Variants in LRP1 observed in about 807,000 individuals in gnomAD.
The protein encoded by LRP1 is LDL receptor related protein 1.
Under a neutral mutation model 541.5 loss-of-function variants are expected in LRP1, and 51 were observed. That is an observed-to-expected ratio of 0.09 (90% CI 0.08 to 0.12). LRP1 has a LOEUF of 0.12. Ranked by LOEUF, LRP1 falls within the 10% of genes least tolerant of loss-of-function variation. The pLI, the probability that LRP1 is intolerant of heterozygous loss-of-function variation, is 1.00. For synonymous variants in LRP1, 2,219 were observed against 2,470.8 expected, an observed-to-expected ratio of 0.90 and a Z score of 3.02; for missense variants, 3,878 against 6,376.2, an observed-to-expected ratio of 0.61 and a Z score of 13.34.
chr12:57,195,484 G>A, intron 52 of LRP1, 85 bp downstream of exon 52: 1 of 1,582,800 alleles, frequency 6.3e-7, no homozygotes, highest in Non-Finnish European at 8.6e-7. Context: ...GTGCAGGAGA[G>A]GAAATGCCTC....
chr12:57,141,232 T>A, intron 2 of LRP1, 142 bp from the exon 3 acceptor site: 1 of 861,522 alleles, frequency 1.2e-6, no homozygotes, highest in East Asian at 2.7e-5. Flanking sequence ...TGTAAAAGAG[T>A]TCCAGGTGGA....
At position 57,184,890 on chromosome 12, in the gene LRP1, G is replaced by A. The variant is rs34577247; in HGVS notation, c.6238G>A (p.Asp2080Asn). 0.02 allele frequency: 33,009 copies of A among 1,614,158 alleles called. 445 individuals carry two copies. Among genetic ancestry groups the A allele is most frequent in the South Asian group, 0.023 (2,075 of 91,070 alleles). ...ACGGACAGACAAGATTGAACGGATCGACCTGGAGACAGGTGAGAACCGCGA... is the reference window on the plus strand; with the variant it reads ...ACGGACAGACAAGATTGAACGGATCAACCTGGAGACAGGTGAGAACCGCGA... ...DARTDKIERI[D>N]LETGENREVV... Residue 2080 changes from aspartate to asparagine, a missense_variant, in exon 39 of 89, where the codon GAC (aspartate) becomes AAC (asparagine). Physicochemically the swap from Asp to Asn is conservative, Grantham distance 23. Coordinates refer to ENST00000243077, the MANE Select transcript of LRP1 (RefSeq NM_002332.3). This position sits in a 1 kb window ranked among gnomAD's most constrained non-coding sequence, Gnocchi z 7.8.
At chr12:57,188,251 G>A (rs1452569145) in intron 42 of LRP1, among the ~76,000 whole-genome samples, 1 of 152,228 alleles carries the variant, frequency 6.6e-6, no homozygotes, top group African/African-American at 2.4e-5. Context: ...TGGGCCTCTA[G>A]TGAGCCACCC....
intron 19 of LRP1, among the ~76,000 whole-genome samples, chr12:57,167,926 C>T (rs1014260545): frequency 8.5e-5 from 13 of 152,236 alleles, no homozygotes; most frequent in Non-Finnish European, 1.5e-4. Flanking sequence ...CTCAGAAGCC[C>T]ACCTGGCAGA....
At chr12:57,168,931 C>A (rs1279166141) in intron 19 of LRP1, among the ~76,000 whole-genome samples, 1 of 152,192 alleles carries the variant, frequency 6.6e-6, no homozygotes, top group Non-Finnish European at 1.5e-5. Context: ...CCTCCAGGAG[C>A]CTTCTCCTCC....
In LRP1 at chr12:57,128,932, G is replaced by C. The variant is rs774981103; in HGVS notation, c.-33G>C. ...AAGGAGAGAAGTAGCAGGACCAGAG[G>C]GGAAGGGGCTGCTGCTTGCATCAGC... On this transcript the variant is annotated 5_prime_UTR_variant, in exon 1 of 89. Transcript: ENST00000243077. 5 of 1,529,444 alleles carry C rather than the reference G, an allele frequency of 3.3e-6. No homozygotes were observed. In the South Asian group the frequency reaches 6.0e-5, roughly 18 times the overall value. The allele number at this position is 1,529,444 out of a possible 1,614,324, so 94.7% of individuals were successfully genotyped here.
At chr12:57,192,101 CA>C (rs1458487435) in intron 44 of LRP1, among the ~76,000 whole-genome samples, 2 of 2,840 alleles carry the variant, frequency 7.0e-4, no homozygotes, top group African/African-American at 1.3e-3. Context: ...AAACATGCCA[CA>C]CACACACACA....
chr12:57,186,265 A>G (rs2036269402), intron 41 of LRP1, among the ~76,000 whole-genome samples: 1 of 152,144 alleles, frequency 6.6e-6, no homozygotes, highest in African/African-American at 2.4e-5. Context: ...GAGCCTTCTC[A>G]TCTGCGTGGA....
chr12:57,158,771 G>A lies in LRP1; in HGVS notation c.1798+133G>A. ...TGCACTGGTTGGCATGGAGATGAGG[G>A]GATAGACAGATTGACCCCTGTGTGA... is the stretch of plus-strand genomic sequence containing the variant. On this transcript the variant is annotated intron_variant, in intron 11 of 88. Transcript: ENST00000243077. The surrounding 1 kb of genome is among the most constrained non-coding windows in gnomAD (Gnocchi z 5.3). 1.2e-6 allele frequency: 1 copy of A among 826,344 alleles called. No homozygotes were observed. The highest frequency in any genetic ancestry group is 2.0e-6 in the Non-Finnish European group (1 of 511,738). 51.2% of individuals were successfully genotyped at this position (826,344 alleles called of 1,614,324 possible). A position where few individuals can be genotyped will look rare whatever the true frequency, so the allele number is the denominator to read the frequency against.
In LRP1 at chr12:57,177,653, A is replaced by C; in HGVS notation, c.4361+62A>C. ...GTGGCACCAGGACGGGGTGGGGAGG[A>C]ACCTGTGGTGATGAGGGTGATGAGA... is the stretch of plus-strand genomic sequence containing the variant. On this transcript the variant is annotated intron_variant, in intron 26 of 88. Coordinates refer to ENST00000243077, the MANE Select transcript of LRP1 (RefSeq NM_002332.3). This position sits in a 1 kb window ranked among gnomAD's most constrained non-coding sequence, Gnocchi z 6.8. 6.4e-7 allele frequency: 1 copy of C among 1,574,216 alleles called. No homozygotes were observed. The highest frequency in any genetic ancestry group is 8.7e-7 in the Non-Finnish European group (1 of 1,152,850).
In LRP1 at chr12:57,166,993, C is replaced by T. The variant is rs1389427468; in HGVS notation, c.2861C>T (p.Thr954Met). 5.0e-6 allele frequency: 8 copies of T among 1,614,000 alleles called. No homozygotes were observed. Among genetic ancestry groups the T allele is most frequent in the Admixed American group, 1.7e-5 (1 of 59,988 alleles). Reference sequence around the variant, plus strand: ...GGCCGCTGCATCCCCATCTCCTGGACGTGTGATCTGGATGACGACTGTGGG... The same window carrying T: ...GGCCGCTGCATCCCCATCTCCTGGATGTGTGATCTGGATGACGACTGTGGG... ...ASGRCIPISW[T>M]CDLDDDCGDR... The change falls in exon 18 of 89, where the codon ACG becomes ATG. Residue 954 changes from threonine to methionine, a missense_variant. By Grantham distance (81) the Thr-to-Met change is moderately conservative. Transcript: ENST00000243077.
chr12:57,139,648 G>A (rs553522072), intron 2 of LRP1, among the ~76,000 whole-genome samples: 6 of 152,028 alleles, frequency 3.9e-5, no homozygotes, highest in Admixed American at 6.5e-5. Context: ...CATACCCCCC[G>A]GACTCATAAC....
At chr12:57,193,764 G>A (rs906435053) in intron 47 of LRP1, 79 bp downstream of exon 47, 7 of 1,610,846 alleles carry the variant, frequency 4.3e-6, no homozygotes, top group African/African-American at 1.3e-5. Context: ...TTGTCCCTGG[G>A]CCCCGTGGTG....
At chr12:57,200,593 T>A (rs2036628586) in intron 63 of LRP1, 58 bp downstream of exon 63, 42 of 1,565,134 alleles carry the variant, frequency 2.7e-5, no homozygotes, top group Non-Finnish European at 3.6e-5. Flanking sequence ...GCCTGACTCC[T>A]GAGGCTTTGA....
In LRP1 at chr12:57,191,355, G is replaced by T; in HGVS notation, c.7272G>T (p.Gly2424=). 1 of 1,611,552 alleles carries T rather than the reference G, an allele frequency of 6.2e-7. No homozygotes were observed. Among genetic ancestry groups the T allele is most frequent in the Non-Finnish European group, 8.5e-7 (1 of 1,178,048 alleles). ...ILKSEPVHPF[G]LAVYGEHIFW... ...AGTCAGAGCCTGTCCACCCCTTCGG[G>T]CTGGCCGTGTATGGGGAGCACATTT... The change falls in exon 44 of 89, where the codon GGG becomes GGT. Residue 2424 remains glycine (G), a synonymous_variant. Transcript: ENST00000243077.
At position 57,202,269 on chromosome 12, in the gene LRP1, A is replaced by G. The variant is rs34343116; in HGVS notation, c.10595-152A>G. On this transcript the variant is annotated intron_variant, in intron 67 of 88. Transcript: ENST00000243077. The stretch of plus-strand genomic sequence containing the variant: ...GTCCCCAAACCTCCTTATAGACCCC[A>G]CGTCTCAAAACACCGCCTGGGCTCC... 0.02 allele frequency: 13,994 copies of G among 708,352 alleles called. 388 individuals are homozygous for G. Among genetic ancestry groups the G allele is most frequent in the African/African-American group, 0.094 (5,396 of 57,666 alleles). The allele number at this position is 708,352 out of a possible 1,614,324, so 43.9% of individuals were successfully genotyped here.
In LRP1 at chr12:57,210,404, C is replaced by T. The variant is rs1175207155; in HGVS notation, c.12678C>T (p.Tyr4226=). 6.2e-7 allele frequency: 1 copy of T among 1,606,200 alleles called. No individual in the cohort carries two copies. Among genetic ancestry groups the T allele is most frequent in the Non-Finnish European group, 8.5e-7 (1 of 1,175,442 alleles). The change falls in exon 82 of 89, where the codon TAC becomes TAT. Residue 4226 remains tyrosine (Y), a synonymous_variant. Transcript: ENST00000243077. ...RQPKCRCQPR[Y]TGDKCELDQC... is the part of the protein sequence containing the mutation. ...CCAAGTGCCGCTGCCAACCCCGCTA[C>T]ACGGGTGACAAGTGTGAACTGGACC...
Position 57,197,271 on chromosome 12 carries a change from G to C in LRP1, c.9077-28G>C. The C allele has an allele frequency of 6.2e-7, 1 of 1,613,624 alleles. No homozygotes were observed. ...GACCAGGGCCGCTAGAATGTGCCAG[G>C]AGCTGAGGCAAGATCCTCTGTCTGC... is the stretch of plus-strand genomic sequence containing the variant. On this transcript the variant is annotated intron_variant, in intron 56 of 88. Coordinates refer to ENST00000243077, the MANE Select transcript of LRP1 (RefSeq NM_002332.3). This position sits in a 1 kb window ranked among gnomAD's most constrained non-coding sequence, Gnocchi z 4.5.
chr12:57,140,976 T>C (rs930287439), intron 2 of LRP1, among the ~76,000 whole-genome samples: 1 of 152,068 alleles, frequency 6.6e-6, no homozygotes, highest in Non-Finnish European at 1.5e-5. Context: ...TCAAGTGATC[T>C]GCCCGCCTCA....
Sources: allele counts gnomAD v4.1 joint callset (sites outside exome capture counted in the v4.1 genomes callset), GRCh38; gene constraint gnomAD v4.1.1; non-coding constraint Gnocchi (gnomAD v3.1); transcripts MANE v1.5; gene names NCBI Gene and HGNC (gene_info 2026-07-23, HGNC 2026-07-21).